The following ACOX1 variants were observed in gnomAD, a reference collection of about 807,000 sequenced individuals.
ACOX1 encodes peroxisomal acyl-coenzyme A oxidase 1.
A neutral mutation model predicts 75.5 loss-of-function variants in ACOX1; 41 were observed. The observed-to-expected ratio is 0.54, with a 90% CI of 0.42 to 0.70. The LOEUF (loss-of-function observed/expected upper bound fraction) is 0.70, where lower values mean the gene tolerates loss of function less well. Ranked by LOEUF, ACOX1 falls within the 30% of genes least tolerant of loss-of-function variation. The pLI, the probability that ACOX1 is intolerant of heterozygous loss-of-function variation, is 0.00. For synonymous variants in ACOX1, 303 were observed against 298.8 expected (o/e 1.01, Z -0.15); for missense variants, 630 against 837.5 (o/e 0.75, Z 3.06).
chr17:75,957,380 T>C (rs1487613844), intron 4 of ACOX1, 79 bp downstream of exon 4: 1 of 1,290,524 alleles, frequency 7.7e-7, no homozygotes, highest in Admixed American at 1.7e-5. Flanking sequence ...GCCGACATTA[T>C]CATAAAAGCT....
intron 10 of ACOX1, 39 bp downstream of exon 10, chr17:75,949,679 C>T: frequency 3.1e-6 from 5 of 1,614,032 alleles, no homozygotes; most frequent in African/African-American, 1.3e-5. Flanking sequence ...GGGCCCCAGC[C>T]CCACTGCTGC....
chr17:75,955,941 T>C lies in ACOX1; in HGVS notation c.545A>G (p.Lys182Arg), dbSNP rs1474749827. The C allele has an allele frequency of 6.2e-7, 1 of 1,614,218 alleles. No homozygotes were observed. Residue 182 changes from lysine to arginine, a missense_variant, in exon 5 of 14, where the codon AAG becomes AGG. Physicochemically the swap from Lys to Arg is conservative, Grantham distance 26. This residue lies in a region of ACOX1 where 390 missense variants were observed against 574.9 expected (regional missense o/e 0.68). Transcript: ENST00000293217. Reference protein sequence around the residue: ...SIKWWPGGLGKTSNHAIVLAQ... With the variant: ...SIKWWPGGLGRTSNHAIVLAQ... ...AAGAACTATTGCATGATTTGAAGTC[T>C]TTCCAACTGTAATATCAAAGAGAAC... is the stretch of plus-strand genomic sequence containing the variant.
chr17:75,958,735 A>G (rs536788696), intron 3 of ACOX1, among the ~76,000 whole-genome samples: 20 of 150,432 alleles, frequency 1.3e-4, no homozygotes, highest in South Asian at 4.2e-4. Context: ...GTGAACCCGG[A>G]AGGTGGAGCT....
chr17:75,952,588 CT>C (rs1430352075), intron 7 of ACOX1, among the ~76,000 whole-genome samples: 2 of 152,044 alleles, frequency 1.3e-5, no homozygotes, highest in Non-Finnish European at 2.9e-5. Flanking sequence ...GCCACTGCGC[CT>C]GGCCTTAAAA....
chr17:75,966,670 G>A (rs1377213213), intron 2 of ACOX1, among the ~76,000 whole-genome samples: 1 of 151,836 alleles, frequency 6.6e-6, no homozygotes, highest in African/African-American at 2.4e-5. Flanking sequence ...GGGCGTGGTG[G>A]CAGGCACCTG....
intron 2 of ACOX1, among the ~76,000 whole-genome samples, chr17:75,961,576 C>T (rs2065888763): frequency 6.6e-6 from 1 of 151,452 alleles, no homozygotes. Context: ...TCAAGACCAG[C>T]CTGACCAACA....
chr17:75,955,568 G>T lies in ACOX1; in HGVS notation c.772C>A (p.Gln258Lys), dbSNP rs776404032. The T allele has an allele frequency of 6.2e-7, 1 of 1,611,684 alleles. No individual in the cohort carries two copies. The highest frequency in any genetic ancestry group is 1.1e-5 in the South Asian group (1 of 91,028). Reference protein sequence around the residue: ...PRENMLMKYAQVKPDGTYVKP... With the variant: ...PRENMLMKYAKVKPDGTYVKP... Reference sequence around the variant, plus strand: ...CTTTATTTTCTATCAAAACATACCTGGGCATACTTCATCAGCATGTTTTCT... The same window carrying T: ...CTTTATTTTCTATCAAAACATACCTTGGCATACTTCATCAGCATGTTTTCT... The change falls in exon 6 of 14, where the codon CAG (glutamine) becomes AAG (lysine). Residue 258 changes from glutamine (Q) to lysine (K), a missense_variant and splice_region_variant. By Grantham distance (53) the Gln-to-Lys change is moderately conservative. Transcript: ENST00000293217.
At chr17:75,964,701 G>C (rs887549047) in intron 2 of ACOX1, among the ~76,000 whole-genome samples, 3 of 152,158 alleles carry the variant, frequency 2.0e-5, no homozygotes, top group Admixed American at 2.0e-4. Flanking sequence ...CTTAAGCCAA[G>C]TATTTGTTTT....
chr17:75,953,330 T>C, intron 7 of ACOX1, 121 bp downstream of exon 7: 1 of 1,129,158 alleles, frequency 8.9e-7, no homozygotes, highest in Non-Finnish European at 1.3e-6. Flanking sequence ...GGCCCAGTTA[T>C]CACCCTAGCC....
In ACOX1 at chr17:75,951,030, A is replaced by G. The variant is rs182764318; in HGVS notation, c.1108-66T>C. 11 of 1,498,542 alleles carry G rather than the reference A, an allele frequency of 7.3e-6. No homozygotes were observed. In the East Asian group the frequency reaches 2.4e-4, roughly 32 times the overall value. 92.8% of individuals were successfully genotyped at this position (1,498,542 alleles called of 1,614,324 possible). A position where few individuals can be genotyped will look rare whatever the true frequency, so the allele number is the denominator to read the frequency against. ...CTGAGAGCCCGAGAACCAATGAGAA[A>G]ACACACCCCTCCTCTAACATCTTGG... is the stretch of plus-strand genomic sequence containing the variant. On this transcript the variant is annotated intron_variant, in intron 8 of 13. Transcript: ENST00000293217.
chr17:75,975,936 A>G (rs1366464706), intron 2 of ACOX1, among the ~76,000 whole-genome samples: 1 of 142,016 alleles, frequency 7.0e-6, no homozygotes, highest in Non-Finnish European at 1.6e-5. Context: ...AAAGGAAAAG[A>G]AAGAAAAGAA....
Position 75,973,872 on chromosome 17 carries a change from A to G in ACOX1, c.269+4662T>C, listed in dbSNP as rs3744033. 265,116 of 1,405,324 alleles carry G rather than the reference A, an allele frequency of 0.19. 26,143 individuals carry two copies. Among genetic ancestry groups the G allele is most frequent in the Non-Finnish European group, 0.2 (199,471 of 1,004,122 alleles). The allele number at this position is 1,405,324 out of a possible 1,614,324, so 87.1% of individuals were successfully genotyped here. A position where few individuals can be genotyped will look rare whatever the true frequency, so the allele number is the denominator to read the frequency against. On this transcript the variant is annotated intron_variant, in intron 2 of 13. Coordinates refer to ENST00000293217, the MANE Select transcript of ACOX1 (RefSeq NM_004035.7). ...TCTTGCCAAACAGCTTTGGCCTTCA[A>G]GGAGAAGGTCAGGAAAATGTAAACC...
In ACOX1 at chr17:75,953,570, G is replaced by A. The variant is rs542159010; in HGVS notation, c.825C>T (p.Tyr275=). 55 of 1,614,168 alleles carry A rather than the reference G, an allele frequency of 3.4e-5. 1 individual carries two copies. Among genetic ancestry groups the A allele is most frequent in the Admixed American group, 8.3e-5 (5 of 60,014 alleles). Residue 275 remains tyrosine (Y), a synonymous_variant, in exon 7 of 14, where the codon TAC becomes TAT. Transcript: ENST00000293217. ...AGGACCTGACAAACACCATGGTCCC[G>A]TAAGTCAGCTTGTTACTCAGCGGTT... ...YVKPLSNKLT[Y]GTMVFVRSFL...
intron 6 of ACOX1, among the ~76,000 whole-genome samples, chr17:75,955,171 C>CT (rs57362791): frequency 0.042 from 6,196 of 146,054 alleles, 151 homozygotes; most frequent in Middle Eastern, 0.12. Context: ...GCCCAGCCTC[C>CT]TTTTTTTTTT....
At chr17:75,975,931 AAAAGAAAGAAAAGAAAAGAAAG>A (rs1356295906) in intron 2 of ACOX1, among the ~76,000 whole-genome samples, 59 of 150,492 alleles carry the variant, frequency 3.9e-4, no homozygotes, top group Admixed American at 3.4e-3. Flanking sequence ...AAAAGAAAGG[AAAAGAAAGAAAAGAAAAGAAAG>A]AAAGAAAGAA....
chr17:75,965,828 G>T (rs1277127112), intron 2 of ACOX1, among the ~76,000 whole-genome samples: 1 of 151,660 alleles, frequency 6.6e-6, no homozygotes, highest in South Asian at 2.1e-4. Context: ...GCAAGAACCC[G>T]TCTTTCAAAA....
intron 2 of ACOX1, among the ~76,000 whole-genome samples, chr17:75,975,293 G>C (rs1004225041): frequency 2.0e-5 from 3 of 151,866 alleles, no homozygotes; most frequent in African/African-American, 7.3e-5. Context: ...CAAGTAGCTG[G>C]GATTATAGGC....
At chr17:75,948,859 T>C (rs1229971546) in intron 12 of ACOX1, among the ~76,000 whole-genome samples, 1 of 151,372 alleles carries the variant, frequency 6.6e-6, no homozygotes, top group African/African-American at 2.4e-5. Flanking sequence ...TATTTTTCTT[T>C]TTCTTTTTTT....
chr17:75,967,564 C>T (rs996932092), intron 2 of ACOX1, among the ~76,000 whole-genome samples: 18 of 146,752 alleles, frequency 1.2e-4, no homozygotes, highest in African/African-American at 4.5e-4. Flanking sequence ...AAAGCAAAAA[C>T]GTTTAGCAAA....
Sources: gnomAD v4.1 joint callset for allele counts (sites outside exome capture counted in the v4.1 genomes callset) on GRCh38, gnomAD v4.1.1 for gene constraint, gnomAD v4.1.1 regional missense constraint, MANE v1.5 for transcripts, NCBI Gene and HGNC (gene_info 2026-07-23, HGNC 2026-07-21) for gene names.